Variants in CADM2 observed in about 807,000 individuals in gnomAD.
CADM2 encodes the protein cell adhesion molecule 2.
A neutral mutation model predicts 49.8 loss-of-function variants in CADM2; 12 were observed. The observed-to-expected ratio is 0.24, with a 90% confidence interval of 0.15 to 0.39. The LOEUF is 0.39. Among genes scored for constraint, CADM2 ranks in the 10% least tolerant of loss-of-function variants. The pLI is 1.00. For synonymous variants in CADM2, 214 were observed against 175.4 expected (o/e 1.22, Z -1.74); for missense variants, 378 against 492.3 (o/e 0.77, Z 2.20).
chr3:85,201,708 G>T (rs1445242888), intron 1 of CADM2, among the ~76,000 whole-genome samples: 1 of 152,088 alleles, frequency 6.6e-6, no homozygotes, highest in Non-Finnish European at 1.5e-5. Flanking sequence ...AAATTTTGTT[G>T]TCATTTCAAC....
At chr3:84,996,771 G>A (rs1217378667) in intron 1 of CADM2, among the ~76,000 whole-genome samples, 2 of 151,922 alleles carry the variant, frequency 1.3e-5, no homozygotes, top group Non-Finnish European at 2.9e-5. Context: ...TACAAAATCA[G>A]GATCATTAAA....
intron 1 of CADM2, among the ~76,000 whole-genome samples, chr3:84,971,151 C>A (rs1037991495): frequency 3.3e-5 from 5 of 152,038 alleles, no homozygotes; most frequent in African/African-American, 1.2e-4. Context: ...GAAAGAAACA[C>A]CTTTACCTGT....
intron 1 of CADM2, among the ~76,000 whole-genome samples, chr3:85,716,441 T>C (rs2067296105): frequency 9.2e-5 from 14 of 152,170 alleles, no homozygotes; most frequent in Admixed American, 8.5e-4. Context: ...AAATTTTCTC[T>C]AATTCTGTAG....
intron 3 of CADM2, among the ~76,000 whole-genome samples, chr3:85,845,615 C>A (rs1368749909): frequency 6.6e-6 from 1 of 152,056 alleles, no homozygotes; most frequent in Non-Finnish European, 1.5e-5. Flanking sequence ...ATGGTAATCC[C>A]AGGCCAGAGT....
chr3:85,491,935 G>A (rs181527041), intron 1 of CADM2, among the ~76,000 whole-genome samples: 19 of 138,204 alleles, frequency 1.4e-4, no homozygotes, highest in African/African-American at 4.9e-4. Flanking sequence ...CTGGGCGAGA[G>A]TGAGACTGTC....
chr3:85,778,578 G>A (rs1461261757), intron 2 of CADM2, among the ~76,000 whole-genome samples: 1 of 152,012 alleles, frequency 6.6e-6, no homozygotes, highest in African/African-American at 2.4e-5. Flanking sequence ...TTTCTCCTTT[G>A]CCTTCCACCA....
At chr3:85,121,575 C>G (rs141205975) in intron 1 of CADM2, among the ~76,000 whole-genome samples, 72 of 152,172 alleles carry the variant, frequency 4.7e-4, no homozygotes, top group African/African-American at 1.7e-3. Context: ...TCAAATATGT[C>G]CATAGATGAC....
chr3:85,460,206 A>G (rs556784651), intron 1 of CADM2, among the ~76,000 whole-genome samples: 6 of 152,240 alleles, frequency 3.9e-5, no homozygotes, highest in East Asian at 1.9e-4. Flanking sequence ...GAATTTTTCA[A>G]CTAACTCAGA....
intron 1 of CADM2, among the ~76,000 whole-genome samples, chr3:85,297,047 C>T (rs1287248763): frequency 1.3e-5 from 2 of 152,018 alleles, no homozygotes; most frequent in Non-Finnish European, 2.9e-5. Flanking sequence ...TGATTTAGGG[C>T]AGAGACACTA....
At chr3:85,282,558 C>T (rs1305997239) in intron 1 of CADM2, among the ~76,000 whole-genome samples, 3 of 151,566 alleles carry the variant, frequency 2.0e-5, no homozygotes, top group Admixed American at 1.3e-4. Flanking sequence ...AGGGGTGATC[C>T]GCTGTGTCCA....
intron 1 of CADM2, among the ~76,000 whole-genome samples, chr3:85,405,957 T>C (rs2107454207): frequency 6.6e-6 from 1 of 151,844 alleles, no homozygotes; most frequent in Non-Finnish European, 1.5e-5. Context: ...TAAATAAAAG[T>C]AGACATAGAT....
chr3:85,165,658 T>C (rs1230127917), intron 1 of CADM2, among the ~76,000 whole-genome samples: 1 of 151,788 alleles, frequency 6.6e-6, no homozygotes, highest in Non-Finnish European at 1.5e-5. Context: ...GTGATAAATA[T>C]CCCTGAAGAC....
At chr3:85,264,491 G>A (rs72917185) in intron 1 of CADM2, among the ~76,000 whole-genome samples, 10,087 of 151,914 alleles carry the variant, frequency 0.066, 1,103 homozygotes, top group African/African-American at 0.23. Flanking sequence ...TTTTCTTTGG[G>A]ACTATTCTTT....
At chr3:85,152,793 T>TA (rs1480614044) in intron 1 of CADM2, among the ~76,000 whole-genome samples, 2 of 151,850 alleles carry the variant, frequency 1.3e-5, no homozygotes, top group African/African-American at 4.8e-5. Context: ...CCGTCTCTAC[T>TA]AAAAATACAA....
intron 7 of CADM2, among the ~76,000 whole-genome samples, chr3:85,954,792 A>G (rs1209745436): frequency 6.6e-6 from 1 of 151,222 alleles, no homozygotes; most frequent in African/African-American, 2.4e-5. Context: ...ATATGATAAC[A>G]TAAATATTGG....
intron 2 of CADM2, among the ~76,000 whole-genome samples, chr3:85,759,351 C>T (rs537722304): frequency 2.2e-4 from 34 of 152,172 alleles, no homozygotes; most frequent in Non-Finnish European, 3.7e-4. Context: ...TATGTTTTAA[C>T]ACACGAATAT....
In CADM2 at chr3:85,415,019, C is replaced by T. The variant is rs543685329; in HGVS notation, c.62-311503C>T. On this transcript the variant is annotated intron_variant, in intron 1 of 9. Coordinates refer to ENST00000383699, the MANE Select transcript of CADM2 (RefSeq NM_001167675.2). ...AAAGAAACTTTTAAAGTGCAAATGC[C>T]TCCGTCATGTGACCAGGAAGTTTGG... 2.0e-5 allele frequency among the ~76,000 whole-genome samples: 3 copies of T among 152,174 alleles called. No homozygotes were observed. In the South Asian group the frequency reaches 6.2e-4, roughly 32 times the overall value.
intron 1 of CADM2, among the ~76,000 whole-genome samples, chr3:85,389,525 G>A (rs576886817): frequency 3.0e-4 from 45 of 152,016 alleles, no homozygotes; most frequent in Admixed American, 7.9e-4. Context: ...TCTGTATTCT[G>A]TGTTAAATAT....
At chr3:86,060,981 C>CAATAATAATAATAAT (rs144216839) in intron 8 of CADM2, among the ~76,000 whole-genome samples, 72 of 147,988 alleles carry the variant, frequency 4.9e-4, no homozygotes, top group South Asian at 2.1e-3. Context: ...GGCTATGTCT[C>CAATAATAATAATAAT]AATAATAATA....
Sources: gnomAD v4.1 joint callset for allele counts (sites outside exome capture counted in the v4.1 genomes callset) on GRCh38, gnomAD v4.1.1 for gene constraint, MANE v1.5 for transcripts, NCBI Gene and HGNC (gene_info 2026-07-23, HGNC 2026-07-21) for gene names.